The following ARHGEF17 variants were observed in gnomAD, a reference collection of about 807,000 sequenced individuals.
ARHGEF17 encodes the protein 164 kDa Rho-specific guanine-nucleotide exchange factor.
ARHGEF17 carries 80 observed loss-of-function variants against 174.0 expected under a neutral mutation model. The observed-to-expected ratio is 0.46, with a 90% CI of 0.38 to 0.55. ARHGEF17 has a LOEUF of 0.55. Among genes scored for constraint, ARHGEF17 ranks in the 20% least tolerant of loss-of-function variants. The pLI is 0.00. For missense variants in ARHGEF17, 2,886 were observed against 2,839.7 expected, an observed-to-expected ratio of 1.02 and a Z score of -0.37; for synonymous variants, 1,311 against 1,189.1, an observed-to-expected ratio of 1.10 and a Z score of -2.11.
chr11:73,363,051 A>C (rs2134422756), intron 14 of ARHGEF17, among the ~76,000 whole-genome samples, 155 bp from the exon 15 acceptor site: 1 of 152,296 alleles, frequency 6.6e-6, no homozygotes, highest in South Asian at 2.1e-4. Flanking sequence ...GTCGGTGAGC[A>C]GGGCAGCAGG....
At position 73,311,476 on chromosome 11, in the gene ARHGEF17, C is replaced by T; in HGVS notation, c.2838C>T (p.Ser946=). The part of the protein sequence containing the change: ...RDEGSQDQTG[S]LSRARPSSRH... ...AGGGCAGTCAGGACCAGACTGGCAGCCTGTCTCGGGCCCGGCCCTCCTCCA... is the reference window on the plus strand; with the variant it reads ...AGGGCAGTCAGGACCAGACTGGCAGTCTGTCTCGGGCCCGGCCCTCCTCCA... The change falls in exon 1 of 21, where the codon AGC becomes AGT. Residue 946 remains serine (S), a synonymous_variant. Coordinates refer to ENST00000263674, the MANE Select transcript of ARHGEF17 (RefSeq NM_014786.4). The T allele has an allele frequency of 6.2e-7, 1 of 1,613,110 alleles. No homozygotes were observed. Among genetic ancestry groups the T allele is most frequent in the Non-Finnish European group, 8.5e-7 (1 of 1,180,022 alleles).
intron 1 of ARHGEF17, among the ~76,000 whole-genome samples, chr11:73,319,659 G>T (rs1009958828): frequency 1.3e-5 from 2 of 152,210 alleles, no homozygotes; most frequent in African/African-American, 4.8e-5. Flanking sequence ...CATTTAACTT[G>T]CTATTTCTTT....
chr11:73,343,301 C>G (rs749130022), intron 1 of ARHGEF17: 14 of 397,440 alleles, frequency 3.5e-5, no homozygotes, highest in Admixed American at 8.8e-5. Flanking sequence ...GAGGGGCAGC[C>G]AGGGACCTGG....
At position 73,310,199 on chromosome 11, in the gene ARHGEF17, C is replaced by A; in HGVS notation, c.1561C>A (p.Pro521Thr). Residue 521 changes from proline to threonine, a missense_variant, in exon 1 of 21, where the codon CCC (proline) becomes ACC (threonine). Pro to Thr is a conservative substitution (Grantham distance 38). Transcript: ENST00000263674. ...GGPVGQLEPI[P>T]IPAPASPGTR... ...CCCTGTGGGGCAACTTGAACCCATA[C>A]CCATCCCAGCCCCAGCATCACCTGG... 1 of 1,613,962 alleles carries A rather than the reference C, an allele frequency of 6.2e-7. No individual in the cohort carries two copies. Among genetic ancestry groups the A allele is most frequent in the Non-Finnish European group, 8.5e-7 (1 of 1,180,026 alleles).
Position 73,343,257 on chromosome 11 carries a change from G to A in ARHGEF17, c.3193-3626G>A, listed in dbSNP as rs1865404118. ...TGCCGGGGGCAGCAGCACTGACGCC[G>A]AGGAGCCTGGGGAGGCCCAGGTACG... is the stretch of plus-strand genomic sequence containing the variant. On this transcript the variant is annotated intron_variant, in intron 1 of 20. Coordinates refer to ENST00000263674, the MANE Select transcript of ARHGEF17 (RefSeq NM_014786.4). 4 of 398,662 alleles carry A rather than the reference G, an allele frequency of 1.0e-5. No individual in the cohort carries two copies. The East Asian group carries it at 1.1e-4, about 11-fold the overall frequency. The allele number at this position is 398,662 out of a possible 1,614,324, so 24.7% of individuals were successfully genotyped here.
rs199691343 is a variant in ARHGEF17 at position 73,365,442 on chromosome 11, A to T, written c.5603A>T (p.Asp1868Val). 1.2e-5 allele frequency: 20 copies of T among 1,613,822 alleles called. No individual in the cohort carries two copies. In the East Asian group the frequency reaches 4.2e-4, roughly 34 times the overall value. ...DSSRCVACMV[D>V]SSLGVWVTLK... ...AGCCGCTGCGTGGCTTGCATGGTGGACTCCAGCCTGGGTGTGTGGGTGACA... is the reference window on the plus strand; with the variant it reads ...AGCCGCTGCGTGGCTTGCATGGTGGTCTCCAGCCTGGGTGTGTGGGTGACA... The change falls in exon 19 of 21, where the codon GAC (aspartate) becomes GTC (valine). Residue 1868 changes from aspartate to valine, a missense_variant. Transcript: ENST00000263674. The surrounding 1 kb of genome is among the most constrained non-coding windows in gnomAD (Gnocchi z 4.9).
At chr11:73,325,726 A>T (rs576109984) in intron 1 of ARHGEF17, among the ~76,000 whole-genome samples, 1 of 152,368 alleles carries the variant, frequency 6.6e-6, no homozygotes, top group East Asian at 1.9e-4. Flanking sequence ...CAAGTAACAT[A>T]AACAGGCATT....
At chr11:73,360,592 G>A (rs1217373918) in intron 11 of ARHGEF17, 59 bp downstream of exon 11, 2 of 1,574,388 alleles carry the variant, frequency 1.3e-6, no homozygotes, top group Non-Finnish European at 1.7e-6. Context: ...GAGGCCAGAG[G>A]CATCTCACAG....
rs1219914741 is a variant in ARHGEF17 at position 73,310,980 on chromosome 11, G to A, written c.2342G>A (p.Ser781Asn). ...TCAGCCATGGATGAGGGCTTGACCAGTGGTCACAGTGACTGGTCTGTGGGC... is the reference window on the plus strand; with the variant it reads ...TCAGCCATGGATGAGGGCTTGACCAATGGTCACAGTGACTGGTCTGTGGGC... ...ATSAMDEGLT[S>N]GHSDWSVGSE... The change falls in exon 1 of 21, where the codon AGT (serine) becomes AAT (asparagine). Residue 781 changes from serine to asparagine, a missense_variant. Physicochemically the swap from Ser to Asn is conservative, Grantham distance 46 (BLOSUM62 1). Transcript: ENST00000263674. The A allele has an allele frequency of 6.2e-7, 1 of 1,614,192 alleles. No homozygotes were observed. The highest frequency in any genetic ancestry group is 1.7e-5 in the Admixed American group (1 of 60,032).
Position 73,365,038 on chromosome 11 carries a change from C to A in ARHGEF17, c.5551-352C>A, listed in dbSNP as rs1309940280. 2.7e-5 allele frequency: 9 copies of A among 331,906 alleles called. No individual in the cohort carries two copies. The East Asian group carries it at 5.8e-4, about 21-fold the overall frequency. 20.6% of individuals were successfully genotyped at this position (331,906 alleles called of 1,614,324 possible). On this transcript the variant is annotated intron_variant, in intron 18 of 20. Coordinates refer to ENST00000263674, the MANE Select transcript of ARHGEF17 (RefSeq NM_014786.4). This position sits in a 1 kb window ranked among gnomAD's most constrained non-coding sequence, Gnocchi z 4.9. ...TGTTGGCTGGGCAGGAGTCCAAAGCCCTGGGTTCAGGCCCCAGCTCTGTGA... is the reference window on the plus strand; with the variant it reads ...TGTTGGCTGGGCAGGAGTCCAAAGCACTGGGTTCAGGCCCCAGCTCTGTGA...
chr11:73,363,352 C>T lies in ARHGEF17; in HGVS notation c.5143C>T (p.Arg1715Cys), dbSNP rs139686329. 7 of 1,612,770 alleles carry T rather than the reference C, an allele frequency of 4.3e-6. No individual in the cohort carries two copies. Among genetic ancestry groups the T allele is most frequent in the African/African-American group, 1.3e-5 (1 of 74,918 alleles). ...CCCAATGGATGGGAGAGCCCTTCGC[C>T]GCTCCAGCCACGGCTCCTTCACCCG... ...TSPMDGRALR[R>C]SSHGSFTRGS... Residue 1715 changes from arginine (R) to cysteine (C), a missense_variant, in exon 15 of 21, where the codon CGC becomes TGC. By Grantham distance (180) the Arg-to-Cys change is radical. Around this residue, in one of 4 missense-constraint regions of ARHGEF17, gnomAD observed 476 missense variants for 473.1 expected, o/e 1.01. Transcript: ENST00000263674.
chr11:73,310,404 A>T lies in ARHGEF17; in HGVS notation c.1766A>T (p.Asp589Val). 1.2e-6 allele frequency: 2 copies of T among 1,613,910 alleles called. No individual in the cohort carries two copies. Among genetic ancestry groups the T allele is most frequent in the East Asian group, 2.2e-5 (1 of 44,874 alleles). The part of the protein sequence containing the change: ...EEDPLPLIVQ[D>V]QYVQEARQVF... ...GATCCGCTGCCCCTCATCGTCCAGG[A>T]CCAATATGTGCAGGAGGCCCGCCAG... is the stretch of plus-strand genomic sequence containing the variant. The change falls in exon 1 of 21, where the codon GAC becomes GTC. Residue 589 changes from aspartate to valine, a missense_variant. This residue lies in a region of ARHGEF17 where 1,728 missense variants were observed against 1,461.2 expected (regional missense o/e 1.18). Coordinates refer to ENST00000263674, the MANE Select transcript of ARHGEF17 (RefSeq NM_014786.4).
intron 1 of ARHGEF17, among the ~76,000 whole-genome samples, chr11:73,345,931 T>C (rs1357737222): frequency 6.6e-6 from 1 of 151,968 alleles, no homozygotes; most frequent in Non-Finnish European, 1.5e-5. Context: ...TTGGGGCTGG[T>C]GCTATCTGGG....
chr11:73,356,918 G>A, intron 7 of ARHGEF17, 107 bp from the exon 8 acceptor site: 3 of 1,483,572 alleles, frequency 2.0e-6, no homozygotes, highest in Non-Finnish European at 2.8e-6. Context: ...AGCTGGGGAA[G>A]AGCCCTCACT....
rs1391073734 is a variant in ARHGEF17, at chr11:73,309,623, C to T, written c.985C>T (p.Pro329Ser). The T allele has an allele frequency of 6.2e-7, 1 of 1,613,076 alleles. No individual in the cohort carries two copies. The highest frequency in any genetic ancestry group is 8.5e-7 in the Non-Finnish European group (1 of 1,180,004). The change falls in exon 1 of 21, where the codon CCC (proline) becomes TCC (serine). Residue 329 changes from proline (P) to serine (S), a missense_variant. By Grantham distance (74) the Pro-to-Ser change is moderately conservative. Transcript: ENST00000263674. ...AGCAGGGGTTTCTGGGAGCCCTGAG[C>T]CCCCAACATCTCCAAGAGCCCCTAG... ...NSAGVSGSPEPPTSPRAPREE... is the reference protein window; with the variant it reads ...NSAGVSGSPESPTSPRAPREE...
rs1430104304 is a variant in ARHGEF17, at chr11:73,311,227, G to A, written c.2589G>A (p.Glu863=). 3 of 1,607,452 alleles carry A rather than the reference G, an allele frequency of 1.9e-6. No individual in the cohort carries two copies. Among genetic ancestry groups the A allele is most frequent in the South Asian group, 1.1e-5 (1 of 90,770 alleles). ...CCATGCTGCCTCCATCCAGCAGCGA[G>A]CCCATCCTTGTAGAGCAGCGGGCAG... is the stretch of plus-strand genomic sequence containing the variant. The part of the protein sequence containing the change: ...VEPMLPPSSS[E]PILVEQRAEP... The change falls in exon 1 of 21, where the codon GAG becomes GAA. Residue 863 remains glutamate, a synonymous_variant. Transcript: ENST00000263674.
intron 1 of ARHGEF17, among the ~76,000 whole-genome samples, chr11:73,332,086 C>T (rs1210545828): frequency 2.0e-5 from 3 of 152,230 alleles, no homozygotes; most frequent in Non-Finnish European, 4.4e-5. Context: ...CCACTGACCC[C>T]TGAGGGGACC....
chr11:73,308,866 C>G lies in ARHGEF17; in HGVS notation c.228C>G (p.Arg76=). 7.4e-7 allele frequency: 1 copy of G among 1,354,306 alleles called. No homozygotes were observed. The highest frequency in any genetic ancestry group is 9.4e-7 in the Non-Finnish European group (1 of 1,060,196). The allele number at this position is 1,354,306 out of a possible 1,614,324, so 83.9% of individuals were successfully genotyped here. A position where few individuals can be genotyped will look rare whatever the true frequency, so the allele number is the denominator to read the frequency against. The stretch of plus-strand genomic sequence containing the variant: ...CCCCCGCGCAGCCGCGCCCGCTCCG[C>G]AGCCTCTCGCCGTCGGTTCGCCAGC... ...LAAPAQPRPL[R]SLSPSVRQLS... is the part of the protein sequence containing the mutation. Residue 76 remains arginine (R), a synonymous_variant, in exon 1 of 21, where the codon CGC becomes CGG. Coordinates refer to ENST00000263674, the MANE Select transcript of ARHGEF17 (RefSeq NM_014786.4).
intron 1 of ARHGEF17, among the ~76,000 whole-genome samples, chr11:73,323,548 G>T (rs1162964461): frequency 6.6e-6 from 1 of 152,222 alleles, no homozygotes; most frequent in Non-Finnish European, 1.5e-5. Context: ...TTAGGGAGAG[G>T]AGTGCCTCAC....
Sources: gnomAD v4.1 joint callset for allele counts (sites outside exome capture counted in the v4.1 genomes callset) on GRCh38, gnomAD v4.1.1 for gene constraint, gnomAD v4.1.1 regional missense constraint, Gnocchi (gnomAD v3.1) non-coding constraint, MANE v1.5 for transcripts, NCBI Gene and HGNC (gene_info 2026-07-23, HGNC 2026-07-21) for gene names.